Variants in WDR19 observed in about 807,000 individuals in gnomAD.
WDR19 encodes the protein WD repeat-containing protein 19.
In WDR19, 121 loss-of-function variants were observed where a neutral mutation model predicts 180.0. The ratio of observed to expected loss-of-function variants is 0.67; its 90% CI spans 0.58 to 0.78. The LOEUF (loss-of-function observed/expected upper bound fraction) is 0.78, where lower values mean the gene tolerates loss of function less well. Ranked by LOEUF, WDR19 falls within the 30% of genes least tolerant of loss-of-function variation. The pLI, the probability that WDR19 is intolerant of heterozygous loss-of-function variation, is 0.00. For synonymous variants in WDR19, 497 were observed against 540.7 expected, an observed-to-expected ratio of 0.92 and a Z score of 1.12; for missense variants, 1,450 against 1,640.7, an observed-to-expected ratio of 0.88 and a Z score of 2.01.
Position 39,219,312 on chromosome 4 carries a change from C to T in WDR19, c.1479+1207C>T, listed in dbSNP as rs1729416719. Among the ~76,000 whole-genome samples the T allele has an allele frequency of 2.6e-5, 4 of 152,162 alleles. No individual in the cohort carries two copies. In the South Asian group the frequency reaches 8.3e-4, roughly 31 times the overall value. On this transcript the variant is annotated intron_variant, in intron 14 of 36. Transcript: ENST00000399820. Reference sequence around the variant, plus strand: ...TTCAGGGTAATGCCTTATGCTCTGACATTATGACATCCATGATGTCACTAG... The same window carrying T: ...TTCAGGGTAATGCCTTATGCTCTGATATTATGACATCCATGATGTCACTAG...
intron 9 of WDR19, among the ~76,000 whole-genome samples, chr4:39,210,885 C>T (rs1019632131): frequency 7.1e-4 from 108 of 151,982 alleles, no homozygotes; most frequent in African/African-American, 2.5e-3. Flanking sequence ...ACCTGTAATC[C>T]CAGCACCTTG....
At chr4:39,215,022 C>G (rs575104355) in intron 10 of WDR19, among the ~76,000 whole-genome samples, 80 of 152,320 alleles carry the variant, frequency 5.3e-4, no homozygotes, top group African/African-American at 1.8e-3. Context: ...ATCCGCCTGC[C>G]TTGGCCTCCC....
intron 12 of WDR19, among the ~76,000 whole-genome samples, chr4:39,216,700 A>C (rs1577902552): frequency 6.6e-6 from 1 of 152,266 alleles, no homozygotes; most frequent in African/African-American, 2.4e-5. Context: ...AATAATAGCT[A>C]TTAGCATGTG....
At chr4:39,276,640 G>A (rs1173561280) in intron 33 of WDR19, among the ~76,000 whole-genome samples, 3 of 152,124 alleles carry the variant, frequency 2.0e-5, no homozygotes, top group African/African-American at 2.4e-5. Flanking sequence ...TCTATTGGAC[G>A]GTGCTGGTAT....
rs1196708098 is a variant in WDR19, at chr4:39,245,286, C to A, written c.2646-83C>A. 7 of 1,191,150 alleles carry A rather than the reference C, an allele frequency of 5.9e-6. No homozygotes were observed. The Admixed American group carries it at 1.6e-4, about 27-fold the overall frequency. 73.8% of individuals were successfully genotyped at this position (1,191,150 alleles called of 1,614,324 possible). The stretch of plus-strand genomic sequence containing the variant: ...GATAGTAATAACTGGTTTTTGAATC[C>A]TAAAACCTAACATTTGGTTATAGCA... On this transcript the variant is annotated intron_variant, in intron 23 of 36. Transcript: ENST00000399820.
At chr4:39,209,018 T>A (rs1175485474) in intron 9 of WDR19, among the ~76,000 whole-genome samples, 1 of 152,162 alleles carries the variant, frequency 6.6e-6, no homozygotes, top group Non-Finnish European at 1.5e-5. Flanking sequence ...ATAAACCAAC[T>A]AAACCTAATA....
chr4:39,203,595 T>C (rs368331827), intron 6 of WDR19, 47 bp from the exon 7 acceptor site: 82 of 1,471,846 alleles, frequency 5.6e-5, no homozygotes, highest in Non-Finnish European at 7.3e-5. Context: ...TCAGAATGAA[T>C]TTAAATATTG....
intron 6 of WDR19, among the ~76,000 whole-genome samples, chr4:39,200,016 T>C (rs1435051325): frequency 6.6e-6 from 1 of 152,244 alleles, no homozygotes; most frequent in Non-Finnish European, 1.5e-5. Context: ...TGGAATTTAA[T>C]TTTAAGATTA....
At chr4:39,195,386 ACAAAC>A (rs1361504331) in intron 5 of WDR19, among the ~76,000 whole-genome samples, 1 of 113,550 alleles carries the variant, frequency 8.8e-6, no homozygotes, top group Non-Finnish European at 1.9e-5. Flanking sequence ...AAACAAAAAA[ACAAAC>A]AAACAAAAAA....
intron 33 of WDR19, 29 bp downstream of exon 33, chr4:39,274,987 T>A: frequency 6.3e-7 from 1 of 1,587,660 alleles, no homozygotes; most frequent in South Asian, 1.1e-5. Context: ...TTCTGCTATC[T>A]AATCGTATTT....
At chr4:39,200,629 A>T (rs1727269741) in intron 6 of WDR19, among the ~76,000 whole-genome samples, 1 of 152,188 alleles carries the variant, frequency 6.6e-6, no homozygotes, top group Admixed American at 6.5e-5. Flanking sequence ...GCAGCTGGTG[A>T]GAGAGTGAGA....
At chr4:39,259,874 A>G (rs1734117261) in intron 28 of WDR19, among the ~76,000 whole-genome samples, 1 of 152,218 alleles carries the variant, frequency 6.6e-6, no homozygotes, top group South Asian at 2.1e-4. Context: ...TTTTCTAACA[A>G]CAATTCCTTG....
At position 39,277,154 on chromosome 4, in the gene WDR19, TTATAG is replaced by T. The variant is rs780370162; in HGVS notation, c.3840+14_3840+18del. 5.0e-6 allele frequency: 8 copies of T among 1,588,452 alleles called. No homozygotes were observed. The highest frequency in any genetic ancestry group is 1.7e-4 in the Middle Eastern group (1 of 5,972). On this transcript the variant is annotated intron_variant, in intron 34 of 36. Coordinates refer to ENST00000399820, the MANE Select transcript of WDR19 (RefSeq NM_025132.4). ...TATTGCATTGCAACAGTGAGTTCCT[TTATAG>T]TAATTTCCCTTTCTTTGCATATATA...
chr4:39,182,790 G>A (rs1040662057), intron 1 of WDR19, among the ~76,000 whole-genome samples: 2 of 152,096 alleles, frequency 1.3e-5, no homozygotes, highest in African/African-American at 4.8e-5. Flanking sequence ...CTCTCGTTTT[G>A]GGGACTGCAG....
chr4:39,237,287 G>A (rs1410066508), intron 20 of WDR19, among the ~76,000 whole-genome samples: 1 of 152,074 alleles, frequency 6.6e-6, no homozygotes, highest in Non-Finnish European at 1.5e-5. Flanking sequence ...GACCAGGTAC[G>A]GTGACTCATG....
chr4:39,258,031 G>T (rs1356960237), intron 28 of WDR19, among the ~76,000 whole-genome samples: 8 of 150,572 alleles, frequency 5.3e-5, no homozygotes, highest in Non-Finnish European at 1.0e-4. Flanking sequence ...TATTCTTATA[G>T]ATTTGTTTTG....
At chr4:39,275,899 GC>G (rs1735845492) in intron 33 of WDR19, among the ~76,000 whole-genome samples, 1 of 152,156 alleles carries the variant, frequency 6.6e-6, no homozygotes, top group South Asian at 2.1e-4. Context: ...ATCCTGTGCA[GC>G]CCCAAAAGCC....
At chr4:39,266,981 G>T (rs1311774264) in intron 29 of WDR19, among the ~76,000 whole-genome samples, 1 of 152,226 alleles carries the variant, frequency 6.6e-6, no homozygotes, top group Non-Finnish European at 1.5e-5. Context: ...TACTCAGGAG[G>T]CTGAGGCAGG....
chr4:39,197,591 T>C (rs1382522612), intron 5 of WDR19, among the ~76,000 whole-genome samples: 1 of 152,132 alleles, frequency 6.6e-6, no homozygotes, highest in East Asian at 1.9e-4. Context: ...CTTGGGACTC[T>C]TGAGGATTTA....
Sources: gnomAD v4.1 joint callset for allele counts (sites outside exome capture counted in the v4.1 genomes callset) on GRCh38, gnomAD v4.1.1 for gene constraint, MANE v1.5 for transcripts, NCBI Gene and HGNC (gene_info 2026-07-23, HGNC 2026-07-21) for gene names.